The following KCNIP4 variants were observed in gnomAD, a reference collection of about 807,000 sequenced individuals.
The protein encoded by KCNIP4 is Kv channel-interacting protein 4.
KCNIP4 carries 12 observed loss-of-function variants against 34.0 expected under a neutral mutation model. The ratio of observed to expected loss-of-function variants is 0.35; its 90% CI spans 0.23 to 0.57. The LOEUF (loss-of-function observed/expected upper bound fraction) is 0.57. KCNIP4 is among the 20% of genes least tolerant of loss of function. The probability of loss-of-function intolerance (pLI) is 0.83; values close to 1 mark genes in which losing one functional copy is unlikely to be tolerated. For synonymous variants in KCNIP4, 124 were observed against 102.2 expected, an observed-to-expected ratio of 1.21 and a Z score of -1.29; for missense variants, 238 against 311.7, an observed-to-expected ratio of 0.76 and a Z score of 1.78.
intron 1 of KCNIP4, among the ~76,000 whole-genome samples, chr4:21,467,264 G>T (rs911552278): frequency 6.6e-6 from 1 of 152,106 alleles, no homozygotes; most frequent in Non-Finnish European, 1.5e-5. Context: ...ATTTTGGTTT[G>T]TTTGTATAAC....
chr4:21,731,029 A>T (rs1265597398), intron 1 of KCNIP4, among the ~76,000 whole-genome samples: 1 of 151,314 alleles, frequency 6.6e-6, no homozygotes, highest in African/African-American at 2.4e-5. Flanking sequence ...TTGGAGTATC[A>T]CCTGAGCCTA....
chr4:21,143,025 C>A (rs1168524200), intron 1 of KCNIP4, among the ~76,000 whole-genome samples: 1 of 152,076 alleles, frequency 6.6e-6, no homozygotes, highest in African/African-American at 2.4e-5. Context: ...GACATTGAAA[C>A]TGACCAAAAA....
chr4:21,373,818 G>T (rs768823660), intron 1 of KCNIP4, among the ~76,000 whole-genome samples: 1 of 146,904 alleles, frequency 6.8e-6, no homozygotes, highest in African/African-American at 2.7e-5. Context: ...CAATTCTCAT[G>T]CCTCAGCCTC....
chr4:21,421,955 C>G (rs967714900), intron 1 of KCNIP4, among the ~76,000 whole-genome samples: 1 of 152,090 alleles, frequency 6.6e-6, no homozygotes. Context: ...TTACTTTTTT[C>G]AATATTATCT....
intron 1 of KCNIP4, among the ~76,000 whole-genome samples, chr4:21,627,726 T>C (rs2109194535): frequency 6.6e-6 from 1 of 152,314 alleles, no homozygotes; most frequent in African/African-American, 2.4e-5. Context: ...TGGATGTTGA[T>C]CTTTTCACAC....
At chr4:20,945,462 G>T (rs1199521994) in intron 1 of KCNIP4, among the ~76,000 whole-genome samples, 1 of 152,126 alleles carries the variant, frequency 6.6e-6, no homozygotes, top group Non-Finnish European at 1.5e-5. Flanking sequence ...CAACTGCCTT[G>T]CTTCCTTGTT....
At chr4:21,313,531 T>C (rs1348669019) in intron 1 of KCNIP4, among the ~76,000 whole-genome samples, 2 of 152,208 alleles carry the variant, frequency 1.3e-5, no homozygotes, top group Non-Finnish European at 2.9e-5. Context: ...AAAAAACCTA[T>C]GATAACCAAG....
chr4:21,555,932 TGTAGACAC>T (rs1738967943), intron 1 of KCNIP4, among the ~76,000 whole-genome samples: 1 of 152,056 alleles, frequency 6.6e-6, no homozygotes, highest in South Asian at 2.1e-4. Flanking sequence ...CAGCTGTGTC[TGTAGACAC>T]AGCTGTGCGC....
chr4:21,794,971 C>T (rs76181037), intron 1 of KCNIP4, among the ~76,000 whole-genome samples: 16,448 of 152,200 alleles, frequency 0.11, 1,183 homozygotes, highest in Non-Finnish European at 0.16. Flanking sequence ...TCCAGCCAAA[C>T]CCATGATTAC....
At chr4:21,909,983 G>A (rs1728212515) in intron 1 of KCNIP4, among the ~76,000 whole-genome samples, 1 of 152,072 alleles carries the variant, frequency 6.6e-6, no homozygotes, top group South Asian at 2.1e-4. Flanking sequence ...TACAATTCAT[G>A]ATGAGATTTG....
chr4:20,928,618 G>C (rs1730132550), intron 1 of KCNIP4, among the ~76,000 whole-genome samples: 1 of 151,558 alleles, frequency 6.6e-6, no homozygotes, highest in African/African-American at 2.4e-5. Flanking sequence ...AAATAATAAA[G>C]ACTAGAATGA....
intron 1 of KCNIP4, among the ~76,000 whole-genome samples, chr4:21,649,074 A>T (rs1372200894): frequency 6.6e-6 from 1 of 152,218 alleles, no homozygotes; most frequent in East Asian, 1.9e-4. Context: ...CCCTGACATT[A>T]TAGCTTACAT....
chr4:20,887,461 C>T (rs913458248), intron 1 of KCNIP4, among the ~76,000 whole-genome samples: 1 of 150,852 alleles, frequency 6.6e-6, no homozygotes, highest in Non-Finnish European at 1.5e-5. Flanking sequence ...AGGCAAAATG[C>T]TGAAAATCAA....
intron 1 of KCNIP4, among the ~76,000 whole-genome samples, chr4:21,914,858 T>C (rs1212339446): frequency 6.6e-6 from 1 of 152,130 alleles, no homozygotes; most frequent in East Asian, 1.9e-4. Context: ...CAATAAATAT[T>C]TTTTGAATGA....
At chr4:21,141,609 C>T (rs1751958268) in intron 1 of KCNIP4, among the ~76,000 whole-genome samples, 1 of 152,060 alleles carries the variant, frequency 6.6e-6, no homozygotes, top group African/African-American at 2.4e-5. Context: ...ACTGTGTTGG[C>T]TTAATGTTTG....
At chr4:21,048,006 G>A (rs1342051849) in intron 1 of KCNIP4, among the ~76,000 whole-genome samples, 3 of 152,312 alleles carry the variant, frequency 2.0e-5, no homozygotes, top group Middle Eastern at 3.4e-3. Context: ...GGGCTTGAAA[G>A]TTTTTAGTAC....
At chr4:21,172,420 AAAATT>A (rs1436502700) in intron 1 of KCNIP4, among the ~76,000 whole-genome samples, 2 of 152,238 alleles carry the variant, frequency 1.3e-5, no homozygotes, top group Non-Finnish European at 2.9e-5. Flanking sequence ...AGAGAAAAAT[AAAATT>A]ATGTTATAGG....
intron 2 of KCNIP4, 153 bp from the exon 3 acceptor site, chr4:20,850,820 TC>T: frequency 1.3e-6 from 1 of 769,846 alleles, no homozygotes; most frequent in Non-Finnish European, 1.9e-6. Context: ...CCTTTACATT[TC>T]CCAGTTTAAG....
intron 1 of KCNIP4, among the ~76,000 whole-genome samples, chr4:21,580,766 A>G (rs889552041): frequency 2.6e-5 from 4 of 152,092 alleles, no homozygotes; most frequent in Admixed American, 1.3e-4. Flanking sequence ...TCATCTAGGC[A>G]TTTAGTCAAC....
Sources: allele counts gnomAD v4.1 joint callset (sites outside exome capture counted in the v4.1 genomes callset), GRCh38; gene constraint gnomAD v4.1.1; transcripts MANE v1.5; gene names NCBI Gene and HGNC (gene_info 2026-07-23, HGNC 2026-07-21).